The following SESTD1 variants were observed in gnomAD, a reference collection of about 807,000 sequenced individuals.
SESTD1 encodes SEC14 domain and spectrin repeat-containing protein 1.
A neutral mutation model predicts 101.7 loss-of-function variants in SESTD1; 43 were observed. The ratio of observed to expected loss-of-function variants is 0.42; its 90% CI spans 0.33 to 0.55. The LOEUF (loss-of-function observed/expected upper bound fraction) is 0.55. Ranked by LOEUF, SESTD1 falls within the 20% of genes least tolerant of loss-of-function variation. The pLI is 0.07. For synonymous variants in SESTD1, 283 were observed against 286.8 expected (o/e 0.99, Z 0.13); for missense variants, 647 against 815.1 (o/e 0.79, Z 2.51).
chr2:179,182,669 T>C (rs949757531), intron 3 of SESTD1, among the ~76,000 whole-genome samples: 3 of 152,122 alleles, frequency 2.0e-5, no homozygotes, highest in African/African-American at 7.2e-5. Flanking sequence ...TTTTTTAAAA[T>C]AAAAATATTT....
chr2:179,145,603 G>A (rs1465811858), intron 8 of SESTD1, among the ~76,000 whole-genome samples: 2 of 152,206 alleles, frequency 1.3e-5, no homozygotes, highest in Non-Finnish European at 2.9e-5. Context: ...AGAGATATTT[G>A]GGTTGGAATA....
In SESTD1 at chr2:179,214,206, A is replaced by T. The variant is rs1349078073; in HGVS notation, c.-25-22340T>A. Among the ~76,000 whole-genome samples the T allele has an allele frequency of 1.5e-5, 2 of 134,504 alleles. 1 individual carries two copies. Among genetic ancestry groups the T allele is most frequent in the Non-Finnish European group, 3.2e-5 (2 of 62,742 alleles). The allele number at this position is 134,504 out of a possible 152,430, so 88.2% of individuals were successfully genotyped here. ...CTGGCAAATTGGATAAAGAGTCAAG[A>T]CCCATCAGTGTGCTGTATTCAGGAG... On this transcript the variant is annotated intron_variant, in intron 1 of 17. Coordinates refer to ENST00000428443, the MANE Select transcript of SESTD1 (RefSeq NM_178123.5).
At chr2:179,120,352 G>C (rs1235109746) in intron 13 of SESTD1, among the ~76,000 whole-genome samples, 1 of 152,166 alleles carries the variant, frequency 6.6e-6, no homozygotes, top group African/African-American at 2.4e-5. Context: ...CACTAAGTAG[G>C]CAATTGGAAT....
chr2:179,183,217 T>C (rs774957395), intron 2 of SESTD1, 29 bp from the exon 3 acceptor site: 10 of 1,407,240 alleles, frequency 7.1e-6, no homozygotes, highest in Non-Finnish European at 1.0e-5. Flanking sequence ...AAATTTAACA[T>C]GTAATACATA....
intron 16 of SESTD1, 136 bp from the exon 17 acceptor site, chr2:179,112,981 G>C (rs1373695494): frequency 1.7e-6 from 2 of 1,169,104 alleles, no homozygotes; most frequent in Admixed American, 5.9e-5. Context: ...AAATTTGGTA[G>C]ATTAAAGGCA....
chr2:179,263,061 G>A (rs1161042190), intron 1 of SESTD1, among the ~76,000 whole-genome samples: 1 of 152,102 alleles, frequency 6.6e-6, no homozygotes, highest in African/African-American at 2.4e-5. Context: ...AATTTTTAAG[G>A]TTAAATTTAG....
chr2:179,231,579 T>C (rs965258315), intron 1 of SESTD1, among the ~76,000 whole-genome samples: 9 of 148,902 alleles, frequency 6.0e-5, no homozygotes, highest in Admixed American at 6.7e-5. Context: ...TAAAGAAAAA[T>C]AGAACAATGT....
At chr2:179,150,073 A>G (rs912909744) in intron 6 of SESTD1, among the ~76,000 whole-genome samples, 2 of 152,014 alleles carry the variant, frequency 1.3e-5, no homozygotes, top group African/African-American at 4.8e-5. Context: ...AAAAAATAAA[A>G]CCTTCGTCAG....
intron 2 of SESTD1, among the ~76,000 whole-genome samples, chr2:179,185,785 G>GTATATTA (rs1462034623): frequency 8.3e-4 from 96 of 115,282 alleles, no homozygotes; most frequent in African/African-American, 3.0e-3. Context: ...ATACAATATA[G>GTATATTA]TATACAATAT....
Position 179,183,105 on chromosome 2 carries a change from A to C in SESTD1, c.139T>G (p.Leu47Val). Residue 47 changes from leucine (L) to valine (V), a missense_variant, in exon 3 of 18, where the codon TTA (leucine) becomes GTA (valine). By Grantham distance (32) the Leu-to-Val change is conservative. This residue lies in a region of SESTD1 where 168 missense variants were observed against 235.1 expected (regional missense o/e 0.71). Coordinates refer to ENST00000428443, the MANE Select transcript of SESTD1 (RefSeq NM_178123.5). The stretch of plus-strand genomic sequence containing the variant: ...CTTGGAATGCTGAGTAGGTAGTCTA[A>C]GGTGACACTCAGCTCATCCATATTT... Reference protein sequence around the residue: ...QTNMDELSVTLDYLLSIPSEK... With the variant: ...QTNMDELSVTVDYLLSIPSEK... The C allele has an allele frequency of 6.2e-7, 1 of 1,611,086 alleles. No individual in the cohort carries two copies.
intron 8 of SESTD1, among the ~76,000 whole-genome samples, chr2:179,144,160 A>T (rs538727119): frequency 9.2e-5 from 14 of 152,016 alleles, no homozygotes; most frequent in African/African-American, 3.4e-4. Flanking sequence ...TGGTGAATTC[A>T]TTACTCAGGA....
At chr2:179,217,193 G>T (rs905436874) in intron 1 of SESTD1, among the ~76,000 whole-genome samples, 1 of 152,136 alleles carries the variant, frequency 6.6e-6, no homozygotes, top group African/African-American at 2.4e-5. Context: ...AGAGTGAACA[G>T]GCAAACTACA....
In SESTD1 at chr2:179,130,069, T is replaced by C. The variant is rs2044973525; in HGVS notation, c.972+2235A>G. Among the ~76,000 whole-genome samples the C allele has an allele frequency of 2.0e-5, 3 of 152,316 alleles. No homozygotes were observed. The South Asian group carries it at 6.2e-4, about 32-fold the overall frequency. ...CTCTTGATAGCCATCAATGTTTCTT[T>C]AGGTCATGTCTATAAATGCAGATGT... On this transcript the variant is annotated intron_variant, in intron 10 of 17. Coordinates refer to ENST00000428443, the MANE Select transcript of SESTD1 (RefSeq NM_178123.5).
chr2:179,194,592 C>A (rs568508348), intron 1 of SESTD1, among the ~76,000 whole-genome samples: 1 of 152,234 alleles, frequency 6.6e-6, no homozygotes, highest in African/African-American at 2.4e-5. Flanking sequence ...TACCCCAAAC[C>A]CCCAGGAGTC....
At chr2:179,235,467 C>T (rs929380741) in intron 1 of SESTD1, among the ~76,000 whole-genome samples, 3 of 152,146 alleles carry the variant, frequency 2.0e-5, no homozygotes, top group Admixed American at 2.0e-4. Context: ...AAATTACAGT[C>T]ATCTGTGACA....
chr2:179,151,148 G>A (rs993427637), intron 6 of SESTD1, 130 bp downstream of exon 6: 8 of 539,228 alleles, frequency 1.5e-5, no homozygotes, highest in African/African-American at 4.0e-5. Context: ...GCTATAATGT[G>A]GTATGCACAT....
intron 17 of SESTD1, among the ~76,000 whole-genome samples, chr2:179,112,057 G>A (rs912707713): frequency 6.6e-6 from 1 of 152,098 alleles, no homozygotes; most frequent in African/African-American, 2.4e-5. Flanking sequence ...CATTTATTTT[G>A]CATCAGATTA....
chr2:179,183,387 T>A (rs915478764), intron 2 of SESTD1, among the ~76,000 whole-genome samples, 199 bp from the exon 3 acceptor site: 1 of 151,984 alleles, frequency 6.6e-6, no homozygotes, highest in Non-Finnish European at 1.5e-5. Flanking sequence ...AGGAAAAAAA[T>A]TCACCCATGA....
At chr2:179,194,115 T>A (rs2046356621) in intron 1 of SESTD1, among the ~76,000 whole-genome samples, 1 of 152,134 alleles carries the variant, frequency 6.6e-6, no homozygotes, top group Non-Finnish European at 1.5e-5. Context: ...GCTGGATGGG[T>A]TGAGGCCACA....
Sources: allele counts gnomAD v4.1 joint callset (sites outside exome capture counted in the v4.1 genomes callset), GRCh38; gene constraint gnomAD v4.1.1; regional missense constraint gnomAD v4.1.1; transcripts MANE v1.5; gene names NCBI Gene and HGNC (gene_info 2026-07-23, HGNC 2026-07-21).